RAPGEF4: variants seen among roughly 807,000 people sequenced by gnomAD.
RAPGEF4 encodes the protein RAP guanine-nucleotide-exchange factor (GEF) 4.
RAPGEF4 carries 66 observed loss-of-function variants against 147.9 expected under a neutral mutation model. The ratio of observed to expected loss-of-function variants is 0.45; its 90% CI spans 0.37 to 0.55. The LOEUF (loss-of-function observed/expected upper bound fraction) is 0.55. Among genes scored for constraint, RAPGEF4 ranks in the 20% least tolerant of loss-of-function variants. The pLI is 0.00. For synonymous variants in RAPGEF4, 419 were observed against 442.7 expected (o/e 0.95, Z 0.67); for missense variants, 1,071 against 1,257.3 (o/e 0.85, Z 2.24).
chr2:172,859,787 A>G (rs1007153296), intron 4 of RAPGEF4, among the ~76,000 whole-genome samples: 2 of 152,214 alleles, frequency 1.3e-5, no homozygotes, highest in African/African-American at 2.4e-5. Flanking sequence ...GGTAAATGAC[A>G]GCTCTCTCTA....
At chr2:172,985,323 G>A (rs1252897275) in intron 11 of RAPGEF4, 110 bp from the exon 12 acceptor site, 14 of 1,465,264 alleles carry the variant, frequency 9.6e-6, no homozygotes, top group Admixed American at 1.9e-5. Context: ...AGAGATGACT[G>A]CATGGGAAGC....
chr2:172,828,763 T>C (rs1689966156), intron 4 of RAPGEF4, among the ~76,000 whole-genome samples: 1 of 152,182 alleles, frequency 6.6e-6, no homozygotes, highest in Non-Finnish European at 1.5e-5. Context: ...GTTCAAATGC[T>C]GTCTCCTCCC....
chr2:172,870,830 T>C (rs1446269969), intron 4 of RAPGEF4, among the ~76,000 whole-genome samples: 1 of 152,240 alleles, frequency 6.6e-6, no homozygotes, highest in African/African-American at 2.4e-5. Flanking sequence ...GACGTATAAC[T>C]AAATACAGAC....
intron 3 of RAPGEF4, among the ~76,000 whole-genome samples, chr2:172,807,514 C>T (rs72908114): frequency 0.015 from 2,255 of 152,332 alleles, 19 homozygotes; most frequent in South Asian, 0.03. Context: ...CACATACAAT[C>T]TAACATCTTG....
intron 4 of RAPGEF4, among the ~76,000 whole-genome samples, chr2:172,846,696 CA>C (rs896169817): frequency 6.6e-6 from 1 of 152,192 alleles, no homozygotes; most frequent in Non-Finnish European, 1.5e-5. Context: ...TATGGTCCTG[CA>C]TTCTTGAGAT....
intron 1 of RAPGEF4, among the ~76,000 whole-genome samples, chr2:172,793,293 T>G (rs1329521054): frequency 4.6e-5 from 7 of 152,190 alleles, no homozygotes; most frequent in Admixed American, 4.6e-4. Flanking sequence ...AAGACCCTAT[T>G]TCCAAAGAAG....
At chr2:172,997,721 C>G (rs548692387) in intron 16 of RAPGEF4, among the ~76,000 whole-genome samples, 11 of 151,972 alleles carry the variant, frequency 7.2e-5, no homozygotes, top group Admixed American at 2.0e-4. Context: ...ACATTGAGCT[C>G]CATAGAAGAG....
intron 4 of RAPGEF4, among the ~76,000 whole-genome samples, chr2:172,881,222 C>T (rs1470309599): frequency 6.6e-6 from 1 of 152,136 alleles, no homozygotes; most frequent in East Asian, 1.9e-4. Context: ...AGCTCCATGG[C>T]CAGCTTTTAG....
intron 25 of RAPGEF4, among the ~76,000 whole-genome samples, chr2:173,029,035 C>G (rs151274735): frequency 2.0e-5 from 3 of 152,298 alleles, no homozygotes; most frequent in Admixed American, 2.0e-4. Flanking sequence ...GAGGCAAACA[C>G]ATAGATGCGA....
chr2:172,819,172 G>A (rs146690679), intron 4 of RAPGEF4, among the ~76,000 whole-genome samples: 2 of 152,104 alleles, frequency 1.3e-5, no homozygotes, highest in African/African-American at 4.8e-5. Flanking sequence ...ATTTTGGTCA[G>A]ATCTGAGGGT....
At chr2:172,748,247 A>G (rs758719415) in intron 1 of RAPGEF4, among the ~76,000 whole-genome samples, 17 of 152,330 alleles carry the variant, frequency 1.1e-4, no homozygotes, top group Non-Finnish European at 2.2e-4. Context: ...AGGATCCTCC[A>G]TAAGTTTTCA....
chr2:172,848,925 G>A (rs1027318679), intron 4 of RAPGEF4, among the ~76,000 whole-genome samples: 1 of 152,132 alleles, frequency 6.6e-6, no homozygotes, highest in African/African-American at 2.4e-5. Context: ...GAAAAAAAAG[G>A]TGATGTTGAC....
chr2:173,011,187 C>CACACAT (rs1409959885), intron 17 of RAPGEF4, among the ~76,000 whole-genome samples: 2 of 152,018 alleles, frequency 1.3e-5, no homozygotes, highest in African/African-American at 4.8e-5. Flanking sequence ...CACACACACA[C>CACACAT]ACACACACAC....
At chr2:173,048,574 C>T in intron 29 of RAPGEF4, 26 bp from the exon 30 acceptor site, 1 of 1,613,638 alleles carries the variant, frequency 6.2e-7, no homozygotes, top group Non-Finnish European at 8.5e-7. Context: ...GAATTTCTAT[C>T]TTTCTTTTTT....
At chr2:172,955,507 C>T (rs775379331) in intron 6 of RAPGEF4, among the ~76,000 whole-genome samples, 2 of 152,188 alleles carry the variant, frequency 1.3e-5, no homozygotes, top group African/African-American at 2.4e-5. Flanking sequence ...ATCTGTCCCC[C>T]CTGCCTCGCG....
chr2:172,768,437 T>G (rs576646542), intron 1 of RAPGEF4, among the ~76,000 whole-genome samples: 14 of 152,062 alleles, frequency 9.2e-5, no homozygotes, highest in Non-Finnish European at 1.5e-4. Flanking sequence ...ATTTATCACA[T>G]TTTTGAACAA....
At chr2:172,744,480 G>C in intron 1 of RAPGEF4, 1 of 452,528 alleles carries the variant, frequency 2.2e-6, no homozygotes, top group South Asian at 1.6e-5. Flanking sequence ...ATGTAGTGTA[G>C]AGGTTAAAAA....
intron 4 of RAPGEF4, among the ~76,000 whole-genome samples, chr2:172,854,029 T>C (rs1693147236): frequency 1.3e-5 from 2 of 152,186 alleles, no homozygotes; most frequent in South Asian, 4.1e-4. Flanking sequence ...CCTATCTTGG[T>C]AAATCTATCA....
At chr2:173,012,128 CA>C (rs1319048283) in intron 17 of RAPGEF4, among the ~76,000 whole-genome samples, 11 of 152,154 alleles carry the variant, frequency 7.2e-5, no homozygotes, top group Non-Finnish European at 1.6e-4. Flanking sequence ...GCTCATTTTT[CA>C]CAGTACAAGG....
Sources: allele counts gnomAD v4.1 joint callset (sites outside exome capture counted in the v4.1 genomes callset), GRCh38; gene constraint gnomAD v4.1.1; transcripts MANE v1.5; gene names NCBI Gene and HGNC (gene_info 2026-07-23, HGNC 2026-07-21).